Variants in SPART observed in about 807,000 individuals in gnomAD.
The protein encoded by SPART is spastic paraplegia 20 (Troyer syndrome).
In SPART, 35 loss-of-function variants were observed where a neutral mutation model predicts 58.7. The observed-to-expected ratio is 0.60, with a 90% confidence interval of 0.46 to 0.79. The LOEUF (loss-of-function observed/expected upper bound fraction) is 0.79. SPART is among the 30% of genes least tolerant of loss of function. The pLI, the probability that SPART is intolerant of heterozygous loss-of-function variation, is 0.00. For synonymous variants in SPART, 284 were observed against 280.7 expected, an observed-to-expected ratio of 1.01 and a Z score of -0.12; for missense variants, 730 against 786.1, an observed-to-expected ratio of 0.93 and a Z score of 0.85.
At chr13:36,326,403 C>T in intron 5 of SPART, 172 bp downstream of exon 5, 1 of 713,326 alleles carries the variant, frequency 1.4e-6, no homozygotes, top group Non-Finnish European at 2.3e-6. Context: ...ACTTATATGA[C>T]AATATCTGAT....
rs190948200 is a variant in SPART, at chr13:36,330,953, T to C, written c.1008+446A>G. Among the ~76,000 whole-genome samples the C allele has an allele frequency of 1.4e-4, 21 of 152,328 alleles. No individual in the cohort carries two copies. In the East Asian group the frequency reaches 3.3e-3, roughly 24 times the overall value. ...AGCTAAAATTATCTTCATGTCACCA[T>C]TTAGACCCATTAGTACACTTTTCCA... On this transcript the variant is annotated intron_variant, in intron 3 of 8. Coordinates refer to ENST00000438666, the MANE Select transcript of SPART (RefSeq NM_015087.5).
intron 1 of SPART, among the ~76,000 whole-genome samples, chr13:36,338,828 C>T (rs1046640040): frequency 2.0e-5 from 3 of 152,076 alleles, no homozygotes; most frequent in Non-Finnish European, 4.4e-5. Flanking sequence ...CTGATCATCA[C>T]CAAGAAGAAA....
In SPART at chr13:36,304,266, A is replaced by C; in HGVS notation, c.*99T>G. On this transcript the variant is annotated 3_prime_UTR_variant, in exon 9 of 9. Transcript: ENST00000438666. ...TAATTTGTAGGAATGAATACATTTA[A>C]AAAATACTGGTTAATCTGTGAGGAA... 7.1e-7 allele frequency: 1 copy of C among 1,410,216 alleles called. No individual in the cohort carries two copies. The highest frequency in any genetic ancestry group is 1.0e-6 in the Non-Finnish European group (1 of 1,003,698). The allele number at this position is 1,410,216 out of a possible 1,614,324, so 87.4% of individuals were successfully genotyped here. A position where few individuals can be genotyped will look rare whatever the true frequency, so the allele number is the denominator to read the frequency against.
chr13:36,339,191 C>T (rs777543123), intron 1 of SPART, among the ~76,000 whole-genome samples: 1 of 151,524 alleles, frequency 6.6e-6, no homozygotes, highest in Non-Finnish European at 1.5e-5. Context: ...GAAGGATATT[C>T]GAGTGACAAA....
chr13:36,363,979 T>C (rs1885964861), intron 1 of SPART, among the ~76,000 whole-genome samples: 1 of 152,144 alleles, frequency 6.6e-6, no homozygotes, highest in African/African-American at 2.4e-5. Context: ...TACCAGTTTT[T>C]ACATGCACTC....
chr13:36,365,019 C>G (rs1886003438), intron 1 of SPART, among the ~76,000 whole-genome samples: 1 of 152,154 alleles, frequency 6.6e-6, no homozygotes, highest in Non-Finnish European at 1.5e-5. Flanking sequence ...TTGCATGACT[C>G]CTTGGCTGTC....
intron 3 of SPART, among the ~76,000 whole-genome samples, chr13:36,331,089 T>A (rs1883416092): frequency 6.6e-6 from 1 of 152,208 alleles, no homozygotes; most frequent in Non-Finnish European, 1.5e-5. Flanking sequence ...CACAGCCCAA[T>A]GAAGTGGACA....
intron 1 of SPART, among the ~76,000 whole-genome samples, chr13:36,367,419 G>C (rs181252833): frequency 1.3e-5 from 2 of 152,182 alleles, no homozygotes; most frequent in Admixed American, 1.3e-4. Context: ...CGAATCCCCT[G>C]AGCCCTATGC....
chr13:36,360,168 G>A (rs1022418528), intron 1 of SPART, among the ~76,000 whole-genome samples: 1 of 151,704 alleles, frequency 6.6e-6, no homozygotes, highest in Admixed American at 6.6e-5. Context: ...GGTGGCACAC[G>A]CCTGTAGTCC....
chr13:36,343,064 A>G (rs376979567), intron 1 of SPART, among the ~76,000 whole-genome samples: 17 of 152,318 alleles, frequency 1.1e-4, no homozygotes, highest in African/African-American at 3.8e-4. Context: ...CCCACTATCC[A>G]TTCCATTAGG....
chr13:36,330,596 T>C (rs1343197543), intron 3 of SPART, among the ~76,000 whole-genome samples: 1 of 152,136 alleles, frequency 6.6e-6, no homozygotes, highest in Admixed American at 6.5e-5. Flanking sequence ...GCCCACCTCA[T>C]TCAACCCCTG....
chr13:36,333,803 G>A (rs1391278965), intron 2 of SPART, among the ~76,000 whole-genome samples: 11 of 151,934 alleles, frequency 7.2e-5, no homozygotes, highest in Admixed American at 6.5e-4. Flanking sequence ...TTTATCACCC[G>A]CCACTACAAA....
At chr13:36,315,111 T>C (rs1291448930) in intron 5 of SPART, among the ~76,000 whole-genome samples, 2 of 152,194 alleles carry the variant, frequency 1.3e-5, no homozygotes, top group Admixed American at 6.5e-5. Context: ...CCATTTCTCA[T>C]GACAGTGGGC....
intron 5 of SPART, among the ~76,000 whole-genome samples, chr13:36,317,884 C>T (rs1393725111): frequency 6.6e-6 from 1 of 152,150 alleles, no homozygotes; most frequent in African/African-American, 2.4e-5. Flanking sequence ...TTGAATTTTT[C>T]CATCCTACAA....
intron 1 of SPART, among the ~76,000 whole-genome samples, chr13:36,362,536 T>C (rs992326290): frequency 1.3e-5 from 2 of 152,134 alleles, no homozygotes; most frequent in African/African-American, 4.8e-5. Flanking sequence ...CATTTCAATA[T>C]CATGCTCTGA....
chr13:36,324,172 A>T (rs965648037), intron 5 of SPART, among the ~76,000 whole-genome samples: 25 of 152,214 alleles, frequency 1.6e-4, no homozygotes, highest in African/African-American at 5.1e-4. Context: ...AGTGGGGTCT[A>T]TGTCACATTC....
intron 4 of SPART, among the ~76,000 whole-genome samples, chr13:36,328,808 A>G (rs1166928528): frequency 6.6e-6 from 1 of 152,232 alleles, no homozygotes; most frequent in Non-Finnish European, 1.5e-5. Context: ...AAAAAACAGG[A>G]AACTGAATAA....
At chr13:36,316,037 C>T (rs563052530) in intron 5 of SPART, among the ~76,000 whole-genome samples, 249 of 152,296 alleles carry the variant, frequency 1.6e-3, no homozygotes, top group Non-Finnish European at 2.9e-3. Context: ...AATATTTCAT[C>T]GGTAGCTATG....
chr13:36,335,918 G>C, intron 1 of SPART, 86 bp from the exon 2 acceptor site: 1 of 1,064,190 alleles, frequency 9.4e-7, no homozygotes. Context: ...TATTTTAAGA[G>C]GACAAGTGCC....
Sources: allele counts gnomAD v4.1 joint callset (sites outside exome capture counted in the v4.1 genomes callset), GRCh38; gene constraint gnomAD v4.1.1; transcripts MANE v1.5; gene names NCBI Gene and HGNC (gene_info 2026-07-23, HGNC 2026-07-21).